WLS: variants seen among roughly 807,000 people sequenced by gnomAD.
WLS encodes the protein protein wntless homolog.
In WLS, 23 loss-of-function variants were observed where a neutral mutation model predicts 62.8. The observed-to-expected ratio is 0.37, with a 90% CI of 0.26 to 0.52. The LOEUF (loss-of-function observed/expected upper bound fraction) is 0.52, where lower values mean the gene tolerates loss of function less well. Ranked by LOEUF, WLS falls within the 20% of genes least tolerant of loss-of-function variation. The pLI is 0.92. For synonymous variants in WLS, 246 were observed against 244.1 expected, an observed-to-expected ratio of 1.01 and a Z score of -0.07; for missense variants, 615 against 697.3, an observed-to-expected ratio of 0.88 and a Z score of 1.33.
chr1:68,109,585 TA>T (rs1265177535), intron 11 of WLS, among the ~76,000 whole-genome samples: 2 of 152,156 alleles, frequency 1.3e-5, no homozygotes, highest in Non-Finnish European at 2.9e-5. Flanking sequence ...GAAAAAGACT[TA>T]AACATAACTT....
intron 1 of WLS, among the ~76,000 whole-genome samples, chr1:68,218,697 C>T (rs1213245528): frequency 1.3e-5 from 2 of 152,182 alleles, no homozygotes; most frequent in African/African-American, 4.8e-5. Flanking sequence ...GGCCTCCGTT[C>T]CTCTTTGCCT....
chr1:68,144,105 T>A (rs577810695), intron 10 of WLS, among the ~76,000 whole-genome samples: 1 of 152,352 alleles, frequency 6.6e-6, no homozygotes, highest in East Asian at 1.9e-4. Flanking sequence ...TAGCAAAATG[T>A]TGAGTTTTGG....
At chr1:68,184,786 T>G (rs1415546003) in intron 2 of WLS, among the ~76,000 whole-genome samples, 2 of 152,210 alleles carry the variant, frequency 1.3e-5, no homozygotes, top group African/African-American at 4.8e-5. Flanking sequence ...TATTTGTAAT[T>G]GGTATTCACT....
At chr1:68,170,946 C>A (rs1647144894) in intron 2 of WLS, among the ~76,000 whole-genome samples, 1 of 152,190 alleles carries the variant, frequency 6.6e-6, no homozygotes, top group African/African-American at 2.4e-5. Flanking sequence ...TATCATCCTT[C>A]TTTCTCCAAA....
chr1:68,181,138 A>T (rs1647544034), intron 2 of WLS, among the ~76,000 whole-genome samples: 1 of 150,286 alleles, frequency 6.7e-6, no homozygotes, highest in Non-Finnish European at 1.5e-5. Flanking sequence ...TTTTAAGTTA[A>T]CCAAGATAAA....
intron 11 of WLS, among the ~76,000 whole-genome samples, chr1:68,103,301 G>A (rs1646102459): frequency 1.3e-5 from 2 of 152,188 alleles, no homozygotes; most frequent in South Asian, 4.1e-4. Context: ...TGCTTCAAAA[G>A]GATTTGGACT....
At chr1:68,130,912 T>TC (rs1553125838) in intron 11 of WLS, among the ~76,000 whole-genome samples, 1 of 135,204 alleles carries the variant, frequency 7.4e-6, no homozygotes, top group African/African-American at 2.7e-5. Flanking sequence ...TTTTTTTTTT[T>TC]AGATGGAGTC....
At chr1:68,231,560 A>G in intron 1 of WLS, 1 of 146,654 alleles carries the variant, frequency 6.8e-6, no homozygotes, top group Non-Finnish European at 1.4e-5. Flanking sequence ...ACCCCATCCC[A>G]CCCAACCTCC....
chr1:68,165,757 T>C (rs566080919), intron 2 of WLS, among the ~76,000 whole-genome samples: 1 of 152,224 alleles, frequency 6.6e-6, no homozygotes, highest in East Asian at 1.9e-4. Context: ...CGTCCATGAG[T>C]CCTCAATTCG....
At chr1:68,197,748 C>T (rs1298603048) in intron 1 of WLS, among the ~76,000 whole-genome samples, 2 of 152,102 alleles carry the variant, frequency 1.3e-5, no homozygotes, top group Non-Finnish European at 2.9e-5. Flanking sequence ...TTTTCATTAG[C>T]TATAGTCAAA....
intron 1 of WLS, among the ~76,000 whole-genome samples, chr1:68,229,456 T>TTTTTTTTTTTTTTTTTTTTTTTTTTTGAG (rs1553139041): frequency 6.6e-6 from 1 of 152,284 alleles, no homozygotes; most frequent in Admixed American, 6.5e-5. Flanking sequence ...ACTGACTTTT[T>TTTTTTTTTTTTTTTTTTTTTTTTTTTGAG]AAGTGGCAAT....
intron 9 of WLS, among the ~76,000 whole-genome samples, chr1:68,144,940 G>T (rs1646734059): frequency 6.6e-6 from 1 of 152,162 alleles, no homozygotes; most frequent in African/African-American, 2.4e-5. Flanking sequence ...CTGCTAAGCT[G>T]GTTATGCTTC....
At chr1:68,116,604 T>C (rs931022770) in intron 11 of WLS, among the ~76,000 whole-genome samples, 1 of 152,148 alleles carries the variant, frequency 6.6e-6, no homozygotes, top group African/African-American at 2.4e-5. Flanking sequence ...TTGATAAATA[T>C]CAAGTGATTA....
chr1:68,211,312 T>C (rs905852041), intron 1 of WLS, among the ~76,000 whole-genome samples: 10 of 111,336 alleles, frequency 9.0e-5, no homozygotes, highest in African/African-American at 2.5e-4. Flanking sequence ...GCCTCCTTTG[T>C]AAAAGAAAAA....
chr1:68,116,191 C>T (rs748543634), intron 11 of WLS, among the ~76,000 whole-genome samples: 1 of 152,188 alleles, frequency 6.6e-6, no homozygotes, highest in Non-Finnish European at 1.5e-5. Context: ...AGATTCAGGC[C>T]GCCTTTGGCT....
exon 12 of WLS, chr1:68,098,656 A>G (rs746716728): frequency 3.1e-6 from 5 of 1,613,976 alleles, no homozygotes; most frequent in Middle Eastern, 1.7e-4. Context: ...CTGCGTTGTC[A>G]TTGATGAAGG....
intron 11 of WLS, among the ~76,000 whole-genome samples, chr1:68,128,766 T>A (rs2100388082): frequency 6.6e-6 from 1 of 152,348 alleles, no homozygotes; most frequent in Non-Finnish European, 1.5e-5. Context: ...CAAATATTAA[T>A]GCACTTAATT....
At chr1:68,109,651 A>G (rs1251183340) in intron 11 of WLS, among the ~76,000 whole-genome samples, 1 of 152,206 alleles carries the variant, frequency 6.6e-6, no homozygotes, top group Non-Finnish European at 1.5e-5. Flanking sequence ...TGAAGTGGAA[A>G]ATAGAGTTGA....
At chr1:68,204,437 A>G (rs1649190089) in intron 1 of WLS, among the ~76,000 whole-genome samples, 1 of 151,890 alleles carries the variant, frequency 6.6e-6, no homozygotes, top group East Asian at 1.9e-4. Context: ...GTCCTGCCTC[A>G]GCCTCCAGAG....
Sources: gnomAD v4.1 joint callset for allele counts (sites outside exome capture counted in the v4.1 genomes callset) on GRCh38, gnomAD v4.1.1 for gene constraint, MANE v1.5 for transcripts, NCBI Gene and HGNC (gene_info 2026-07-23, HGNC 2026-07-21) for gene names.